The following CLNK variants were observed in gnomAD, a reference collection of about 807,000 sequenced individuals.
CLNK encodes the protein cytokine dependent hematopoietic cell linker.
In CLNK, 74 loss-of-function variants were observed where a neutral mutation model predicts 68.6. The observed-to-expected ratio is 1.08, with a 90% CI of 0.89 to 1.31. The LOEUF is 1.31. Among genes scored for constraint, CLNK ranks in the 50% most tolerant of loss-of-function variants. The probability of loss-of-function intolerance (pLI) is 0.00; values close to 1 mark genes in which losing one functional copy is unlikely to be tolerated. For synonymous variants in CLNK, 198 were observed against 172.2 expected, an observed-to-expected ratio of 1.15 and a Z score of -1.17; for missense variants, 553 against 515.3, an observed-to-expected ratio of 1.07 and a Z score of -0.71.
chr4:10,490,590 G>T lies in CLNK; in HGVS notation c.1164C>A (p.Ile388=). The T allele has an allele frequency of 6.3e-7, 1 of 1,577,002 alleles. No individual in the cohort carries two copies. Among genetic ancestry groups the T allele is most frequent in the African/African-American group, 1.3e-5 (1 of 74,254 alleles). ...GDEKFDSVED[I]IEHYKNFPII... ...TGGGAAAATTCTTGTAGTGTTCGAT[G>T]ATGTCTTCTACTGAATCAAACTTCT... Residue 388 remains isoleucine, a synonymous_variant, in exon 19 of 19, where the codon ATC becomes ATA. Transcript: ENST00000226951.
intron 8 of CLNK, among the ~76,000 whole-genome samples, chr4:10,552,358 G>A (rs1719497433): frequency 6.6e-6 from 1 of 152,178 alleles, no homozygotes; most frequent in Non-Finnish European, 1.5e-5. Flanking sequence ...AACAGCCTGA[G>A]TCCAGCTAAG....
chr4:10,542,254 C>G lies in CLNK; in HGVS notation c.471+1G>C. ...AAATGCATTTTATTGATTTCTCTTA[C>G]CTTGTTCTTTCTTACGGATGCATCT... On this transcript the variant is annotated splice_donor_variant, in intron 9 of 18. Transcript: ENST00000226951. LOFTEE classifies it high-confidence loss of function. 6.6e-7 allele frequency: 1 copy of G among 1,523,492 alleles called. No homozygotes were observed. The highest frequency in any genetic ancestry group is 1.2e-5 in the South Asian group (1 of 83,774). The allele number at this position is 1,523,492 out of a possible 1,614,324, so 94.4% of individuals were successfully genotyped here.
Position 10,524,409 on chromosome 4 carries a change from A to G in CLNK, c.731+1432T>C, listed in dbSNP as rs139956313. ...CTGCCCTAAGTTTCTCATGTAATAC[A>G]GTGAGGTCGCCCAAGTCACATGGTT... On this transcript the variant is annotated intron_variant, in intron 14 of 18. Coordinates refer to ENST00000226951, the MANE Select transcript of CLNK (RefSeq NM_052964.4). Among the ~76,000 whole-genome samples, 215 of 152,306 alleles carry G rather than the reference A, an allele frequency of 1.4e-3. 2 individuals carry two copies. The highest frequency in any genetic ancestry group is 5.1e-3 in the African/African-American group (210 of 41,562).
At chr4:10,719,480 T>G in the CLNK span, among the ~76,000 whole-genome samples, 1 of 151,916 alleles carries the variant, frequency 6.6e-6, no homozygotes, top group Admixed American at 6.6e-5. Flanking sequence ...GAACATAATA[T>G]GATAAAAGGG....
chr4:10,541,970 A>G lies in CLNK; in HGVS notation c.491+52T>C, dbSNP rs564384825. Reference sequence around the variant, plus strand: ...GTGTTTCTCTTTTTCAGATGCTGGCACAAATTATTTCATTGTATAGCGAAA... The same window carrying G: ...GTGTTTCTCTTTTTCAGATGCTGGCGCAAATTATTTCATTGTATAGCGAAA... On this transcript the variant is annotated intron_variant, in intron 10 of 18. Transcript: ENST00000226951. 3.0e-5 allele frequency: 40 copies of G among 1,336,358 alleles called. No homozygotes were observed. The African/African-American group carries it at 5.4e-4, about 18-fold the overall frequency. The allele number at this position is 1,336,358 out of a possible 1,614,324, so 82.8% of individuals were successfully genotyped here. A position where few individuals can be genotyped will look rare whatever the true frequency, so the allele number is the denominator to read the frequency against.
At chr4:10,545,067 A>G (rs1239143021) in intron 8 of CLNK, among the ~76,000 whole-genome samples, 1 of 152,178 alleles carries the variant, frequency 6.6e-6, no homozygotes, top group Non-Finnish European at 1.5e-5. Context: ...ATGAAGTTTC[A>G]GCATGAGTTT....
chr4:10,493,162 TAA>T (rs1194450669), intron 18 of CLNK, among the ~76,000 whole-genome samples: 1 of 151,852 alleles, frequency 6.6e-6, no homozygotes, highest in Non-Finnish European at 1.5e-5. Context: ...ACCAAAAATA[TAA>T]AAAATTAGCC....
At chr4:10,601,818 T>C (rs1193915561) in intron 2 of CLNK, among the ~76,000 whole-genome samples, 1 of 152,192 alleles carries the variant, frequency 6.6e-6, no homozygotes, top group Admixed American at 6.5e-5. Context: ...CAAAAGCTTT[T>C]TAAACTGCTG....
intron 2 of CLNK, among the ~76,000 whole-genome samples, chr4:10,618,994 G>A (rs1355225911): frequency 2.0e-5 from 3 of 152,176 alleles, no homozygotes; most frequent in South Asian, 4.1e-4. Flanking sequence ...CTAAAAGAAG[G>A]TTCAGGAGAA....
intron 17 of CLNK, among the ~76,000 whole-genome samples, chr4:10,506,021 G>A (rs752538717): frequency 6.6e-6 from 1 of 152,012 alleles, no homozygotes; most frequent in African/African-American, 2.4e-5. Flanking sequence ...TCCTTCAACA[G>A]TGACCATTGT....
chr4:10,699,529 T>C, the CLNK span, among the ~76,000 whole-genome samples: 51,516 of 113,614 alleles, frequency 0.45, 14,216 homozygotes, highest in Middle Eastern at 0.63. Flanking sequence ...TTTTTTTTTT[T>C]CTGAGACGGT....
chr4:10,673,675 G>T (rs1327548268), intron 1 of CLNK, among the ~76,000 whole-genome samples: 3 of 151,746 alleles, frequency 2.0e-5, no homozygotes, highest in Admixed American at 1.3e-4. Context: ...TCAGGGGGTG[G>T]GGGGTCTGGG....
intron 15 of CLNK, among the ~76,000 whole-genome samples, chr4:10,513,952 C>A (rs1363565900): frequency 2.8e-5 from 4 of 143,096 alleles, no homozygotes; most frequent in Non-Finnish European, 3.1e-5. Context: ...TGGTGCGCTG[C>A]ACCCACTAAC....
chr4:10,511,966 C>A (rs1717602104), intron 16 of CLNK, among the ~76,000 whole-genome samples: 1 of 152,042 alleles, frequency 6.6e-6, no homozygotes, highest in African/African-American at 2.4e-5. Context: ...AAACAGGTCA[C>A]CTTAAAGAAT....
the CLNK span, among the ~76,000 whole-genome samples, chr4:10,694,343 G>T: frequency 4.6e-5 from 7 of 151,968 alleles, no homozygotes. Flanking sequence ...ACACACAGTG[G>T]CTGGGGATGG....
intron 18 of CLNK, among the ~76,000 whole-genome samples, chr4:10,498,974 C>G (rs982427984): frequency 6.8e-6 from 1 of 147,050 alleles, no homozygotes; most frequent in Non-Finnish European, 1.5e-5. Context: ...TGTACCCCCC[C>G]CCCCCCAACC....
At chr4:10,725,880 G>A in the CLNK span, among the ~76,000 whole-genome samples, 36 of 151,954 alleles carry the variant, frequency 2.4e-4, no homozygotes, top group Admixed American at 1.6e-3. Context: ...AAGAAAAAAC[G>A]TTTAAAAGGA....
At chr4:10,716,068 TG>T in the CLNK span, among the ~76,000 whole-genome samples, 2 of 152,226 alleles carry the variant, frequency 1.3e-5, no homozygotes, top group African/African-American at 4.8e-5. Flanking sequence ...TTTTTAAAAT[TG>T]GGATTTCTAA....
chr4:10,602,203 T>C (rs1721611030), intron 2 of CLNK, among the ~76,000 whole-genome samples: 1 of 152,210 alleles, frequency 6.6e-6, no homozygotes. Context: ...CCTATCTAAT[T>C]TCCCCTGTGA....
Sources: gnomAD v4.1 joint callset for allele counts (sites outside exome capture counted in the v4.1 genomes callset) on GRCh38, gnomAD v4.1.1 for gene constraint, MANE v1.5 for transcripts, NCBI Gene and HGNC (gene_info 2026-07-23, HGNC 2026-07-21) for gene names.